The following RPP30 variants were observed in gnomAD, a reference collection of about 807,000 sequenced individuals.
The protein encoded by RPP30 is ribonuclease P protein subunit p30.
Under a neutral mutation model 38.6 loss-of-function variants are expected in RPP30, and 36 were observed. That is an observed-to-expected ratio of 0.93 (90% CI 0.71 to 1.23). The LOEUF (loss-of-function observed/expected upper bound fraction) is 1.23. Ranked by LOEUF, RPP30 falls within the 50% of genes most tolerant of loss-of-function variation. RPP30 has a pLI of 0.00. For missense variants in RPP30, 321 were observed against 321.7 expected, an observed-to-expected ratio of 1.00 and a Z score of 0.02; for synonymous variants, 126 against 112.7, an observed-to-expected ratio of 1.12 and a Z score of -0.75.
intron 10 of RPP30, among the ~76,000 whole-genome samples, chr10:90,896,991 G>A (rs1384053426): frequency 6.6e-6 from 1 of 152,054 alleles, no homozygotes; most frequent in Non-Finnish European, 1.5e-5. Flanking sequence ...CTGGGCTCAA[G>A]CAATCCTCCT....
chr10:90,883,191 A>G (rs955121248), intron 5 of RPP30, among the ~76,000 whole-genome samples: 1 of 151,798 alleles, frequency 6.6e-6, no homozygotes, highest in African/African-American at 2.4e-5. Flanking sequence ...GAACCCCTAC[A>G]GTCCTATTCC....
chr10:90,903,535 A>G (rs1271488622), downstream of RPP30, among the ~76,000 whole-genome samples: 1 of 152,238 alleles, frequency 6.6e-6, no homozygotes, highest in African/African-American at 2.4e-5. Context: ...TTTACTACAC[A>G]TTTGTGTAGT....
intron 1 of RPP30, among the ~76,000 whole-genome samples, chr10:90,872,709 A>C (rs141716949): frequency 6.6e-6 from 1 of 152,296 alleles, no homozygotes; most frequent in African/African-American, 2.4e-5. Context: ...GAGAGATTAA[A>C]AAGAATCAAG....
intron 5 of RPP30, among the ~76,000 whole-genome samples, chr10:90,882,950 T>G (rs1846951095): frequency 6.6e-6 from 1 of 152,216 alleles, no homozygotes; most frequent in African/African-American, 2.4e-5. Context: ...CCACTGGCTT[T>G]AGAATTACCT....
chr10:90,894,965 C>G, intron 7 of RPP30, 74 bp downstream of exon 7: 1 of 1,014,744 alleles, frequency 9.9e-7, no homozygotes, highest in East Asian at 2.4e-5. Context: ...AATTGTCAAA[C>G]TGACTCCTTT....
chr10:90,873,724 T>C (rs1248909659), intron 1 of RPP30, among the ~76,000 whole-genome samples: 2 of 151,572 alleles, frequency 1.3e-5, no homozygotes, highest in Middle Eastern at 3.2e-3. Context: ...GATTTGGGAG[T>C]GTGGTAAAGA....
At chr10:90,902,378 C>T (rs989323225), downstream of RPP30, 2 of 354,828 alleles carry the variant, frequency 5.6e-6, no homozygotes, top group African/African-American at 4.5e-5. Context: ...CCACCACATC[C>T]CAGCTAATTT....
downstream of RPP30, among the ~76,000 whole-genome samples, chr10:90,904,934 C>G (rs991492314): frequency 1.3e-5 from 2 of 152,136 alleles, no homozygotes; most frequent in Non-Finnish European, 2.9e-5. Flanking sequence ...CCAATACACA[C>G]CCATAGTAAA....
intron 4 of RPP30, among the ~76,000 whole-genome samples, 199 bp downstream of exon 4, chr10:90,876,297 A>C (rs527950185): frequency 6.6e-6 from 1 of 152,322 alleles, no homozygotes; most frequent in East Asian, 1.9e-4. Context: ...ATGTGTAGTG[A>C]TACCACAATT....
chr10:90,903,017 A>T (rs1847220434), downstream of RPP30, among the ~76,000 whole-genome samples: 1 of 152,244 alleles, frequency 6.6e-6, no homozygotes. Flanking sequence ...TATTGGGGGC[A>T]AATGAAAAAT....
At chr10:90,903,705 C>A (rs1307971280), downstream of RPP30, among the ~76,000 whole-genome samples, 2 of 152,162 alleles carry the variant, frequency 1.3e-5, no homozygotes, top group Non-Finnish European at 2.9e-5. Context: ...CTACAAGATG[C>A]CAATACCTCT....
At chr10:90,895,824 C>T in intron 8 of RPP30, 56 bp from the exon 9 acceptor site, 1 of 1,247,816 alleles carries the variant, frequency 8.0e-7, no homozygotes, top group Non-Finnish European at 1.1e-6. Context: ...TGCTATAAGT[C>T]ATTGAAATGT....
At chr10:90,898,630 C>G (rs968763325) in intron 10 of RPP30, among the ~76,000 whole-genome samples, 2 of 152,092 alleles carry the variant, frequency 1.3e-5, no homozygotes, top group African/African-American at 4.8e-5. Context: ...GTCTGGAAGC[C>G]TCATGATGAG....
chr10:90,893,287 C>G (rs1406048974), intron 6 of RPP30, among the ~76,000 whole-genome samples: 1 of 152,142 alleles, frequency 6.6e-6, no homozygotes, highest in African/African-American at 2.4e-5. Flanking sequence ...TAGAAAAAGA[C>G]AAGTTTCTCC....
exon 5 of RPP30, chr10:90,908,521 AT>A (rs1847276285): frequency 1.3e-5 from 2 of 152,018 alleles, no homozygotes; most frequent in Non-Finnish European, 2.9e-5. Context: ...CATTTTGGTA[AT>A]TTTCACAATA....
rs1846957679 is a variant in RPP30 at position 90,883,361 on chromosome 10, AC to A, written c.343-2449del. On this transcript the variant is annotated intron_variant, in intron 5 of 10. Transcript: ENST00000371703. ...TGTAACCTACTAGTTTTCAGAGAAA[AC>A]CATTATAAGATTCTTAACCCCAAGG... is the stretch of plus-strand genomic sequence containing the variant. Among the ~76,000 whole-genome samples, 3 of 152,084 alleles carry A rather than the reference AC, an allele frequency of 2.0e-5. No individual in the cohort carries two copies. The South Asian group carries it at 6.2e-4, about 32-fold the overall frequency.
intron 10 of RPP30, among the ~76,000 whole-genome samples, chr10:90,898,481 CAAGG>C (rs1847168024): frequency 6.6e-6 from 1 of 152,068 alleles, no homozygotes; most frequent in Non-Finnish European, 1.5e-5. Context: ...GATTCTGAGA[CAAGG>C]AAATTCAAAG....
intron 1 of RPP30, among the ~76,000 whole-genome samples, chr10:90,872,504 G>A (rs1461561775): frequency 6.6e-6 from 1 of 152,116 alleles, no homozygotes; most frequent in African/African-American, 2.4e-5. Context: ...GGACGTGGGA[G>A]TGTTGGAACA....
At chr10:90,895,696 T>TA in intron 8 of RPP30, 184 bp from the exon 9 acceptor site, 1 of 519,968 alleles carries the variant, frequency 1.9e-6, no homozygotes, top group Non-Finnish European at 3.2e-6. Context: ...TTTATACTGT[T>TA]ACAAAATGCC....
Sources: gnomAD v4.1 joint callset for allele counts (sites outside exome capture counted in the v4.1 genomes callset) on GRCh38, gnomAD v4.1.1 for gene constraint, MANE v1.5 for transcripts, NCBI Gene and HGNC (gene_info 2026-07-23, HGNC 2026-07-21) for gene names.